MTFR1: variants seen among roughly 807,000 people sequenced by gnomAD.
MTFR1 encodes the protein chondrocyte protein with a poly-proline region.
A neutral mutation model predicts 38.8 loss-of-function variants in MTFR1; 28 were observed. The ratio of observed to expected loss-of-function variants is 0.72; its 90% CI spans 0.53 to 0.99. MTFR1 has a LOEUF of 0.99. Ranked by LOEUF, MTFR1 falls within the 50% of genes least tolerant of loss-of-function variation. The probability of loss-of-function intolerance (pLI) is 0.00; values close to 1 mark genes in which losing one functional copy is unlikely to be tolerated. For missense variants in MTFR1, 358 were observed against 395.5 expected (o/e 0.91, Z 0.81); for synonymous variants, 145 against 137.0 (o/e 1.06, Z -0.41).
rs140760430 is a variant in MTFR1 at position 65,708,613 on chromosome 8, C to G, written c.934-363C>G. Among the ~76,000 whole-genome samples, 410 of 152,224 alleles carry G rather than the reference C, an allele frequency of 2.7e-3. 1 individual carries two copies. Among genetic ancestry groups the G allele is most frequent in the Admixed American group, 5.1e-3 (78 of 15,282 alleles). ...TGGGGCGTGTGTGTGCTAATCTATT[C>G]CAGAGAGGCAGGCATCTCAGAAATT... On this transcript the variant is annotated intron_variant, in intron 7 of 7. Transcript: ENST00000262146.
chr8:65,739,212 G>A (rs961651590), intron 3 of MTFR1, among the ~76,000 whole-genome samples: 2 of 152,152 alleles, frequency 1.3e-5, no homozygotes, highest in Admixed American at 1.3e-4. Context: ...AGACTATGTA[G>A]AGCCGAGATG....
intron 3 of MTFR1, among the ~76,000 whole-genome samples, chr8:65,755,693 T>C (rs1808202342): frequency 6.6e-6 from 1 of 152,284 alleles, no homozygotes; most frequent in Admixed American, 6.5e-5. Flanking sequence ...TATTTACTTG[T>C]GTAGTAACCT....
chr8:65,735,383 A>G (rs779304897), intron 3 of MTFR1, among the ~76,000 whole-genome samples: 2 of 152,048 alleles, frequency 1.3e-5, no homozygotes, highest in Non-Finnish European at 2.9e-5. Flanking sequence ...ATCATGGCTC[A>G]TTGCAGCCCT....
chr8:65,721,719 G>A (rs1367541679), intron 3 of MTFR1: 1 of 151,836 alleles, frequency 6.6e-6, no homozygotes, highest in Non-Finnish European at 1.5e-5. Context: ...AGTTTACTAG[G>A]ATAAAAAGAC....
chr8:65,711,816 C>T (rs1481336725), downstream of MTFR1, among the ~76,000 whole-genome samples: 1 of 152,178 alleles, frequency 6.6e-6, no homozygotes, highest in Non-Finnish European at 1.5e-5. Context: ...CTTAATGTTC[C>T]TAAAGCTGGA....
intron 2 of MTFR1, among the ~76,000 whole-genome samples, chr8:65,676,573 A>T (rs1804713073): frequency 6.6e-6 from 1 of 152,172 alleles, no homozygotes; most frequent in Non-Finnish European, 1.5e-5. Flanking sequence ...CATGTTGGCC[A>T]GGCTGGTCTC....
intron 2 of MTFR1, 85 bp from the exon 3 acceptor site, chr8:65,682,268 T>C: frequency 1.8e-6 from 1 of 555,624 alleles, no homozygotes. Context: ...TGTGTTAGTA[T>C]GTCATACAAA....
the MTFR1 span, among the ~76,000 whole-genome samples, chr8:65,778,024 C>T: frequency 6.6e-6 from 1 of 152,138 alleles, no homozygotes; most frequent in Admixed American, 6.5e-5. Flanking sequence ...CCTTCTAGGA[C>T]CTTAATTACT....
intron 1 of MTFR1, among the ~76,000 whole-genome samples, chr8:65,658,683 T>C (rs934223358): frequency 5.9e-5 from 9 of 152,172 alleles, no homozygotes; most frequent in African/African-American, 2.2e-4. Context: ...GCCACCTGAT[T>C]CTTAGCAATT....
At chr8:65,716,160 A>AAC (rs1036280481) in intron 2 of MTFR1, among the ~76,000 whole-genome samples, 1 of 151,504 alleles carries the variant, frequency 6.6e-6, no homozygotes, top group Non-Finnish European at 1.5e-5. Flanking sequence ...AAAAAAAAAA[A>AAC]AAACAAAAGG....
At chr8:65,678,873 A>G (rs1280039284) in intron 2 of MTFR1, among the ~76,000 whole-genome samples, 1 of 152,114 alleles carries the variant, frequency 6.6e-6, no homozygotes, top group African/African-American at 2.4e-5. Context: ...TGACAGAGCG[A>G]GACTCCATCT....
At chr8:65,703,634 C>A (rs1471444807) in intron 4 of MTFR1, among the ~76,000 whole-genome samples, 2 of 151,712 alleles carry the variant, frequency 1.3e-5, no homozygotes, top group Non-Finnish European at 2.9e-5. Context: ...GGGTTGCACC[C>A]TGTTGGCCCA....
intron 3 of MTFR1, among the ~76,000 whole-genome samples, chr8:65,746,686 A>G (rs2128906190): frequency 6.6e-6 from 1 of 152,340 alleles, no homozygotes; most frequent in South Asian, 2.1e-4. Context: ...TACTACTAGT[A>G]GAAATCATTA....
At chr8:65,725,563 C>T (rs1330340453) in intron 3 of MTFR1, 1 of 153,288 alleles carries the variant, frequency 6.5e-6, no homozygotes, top group African/African-American at 2.4e-5. Flanking sequence ...ATAAAACTGC[C>T]TCAGATCAAT....
At chr8:65,724,985 T>C in intron 3 of MTFR1, 2 of 1,095,878 alleles carry the variant, frequency 1.8e-6, no homozygotes, top group Non-Finnish European at 2.6e-6. Context: ...TTGATTTTTT[T>C]TCTTAACCAT....
chr8:65,680,942 G>A (rs1224870729), intron 2 of MTFR1, among the ~76,000 whole-genome samples: 1 of 118,340 alleles, frequency 8.5e-6, no homozygotes, highest in African/African-American at 3.3e-5. Context: ...GTCTCGCTCT[G>A]TCGCCCAGGC....
At chr8:65,770,836 T>C (rs1809047184) in intron 3 of MTFR1, 2 of 156,988 alleles carry the variant, frequency 1.3e-5, no homozygotes, top group Non-Finnish European at 2.9e-5. Context: ...TGCCTAAGTT[T>C]CTAAATTTGA....
chr8:65,747,534 G>T, intron 3 of MTFR1: 1 of 548,318 alleles, frequency 1.8e-6, no homozygotes, highest in Non-Finnish European at 3.0e-6. Flanking sequence ...TGGAAAATAG[G>T]CTCAACTGCT....
intron 1 of MTFR1, among the ~76,000 whole-genome samples, chr8:65,664,143 A>G (rs1804302360): frequency 6.6e-6 from 1 of 152,126 alleles, no homozygotes; most frequent in Non-Finnish European, 1.5e-5. Flanking sequence ...TTAAAACTAT[A>G]TATATCCTAT....
Sources: allele counts gnomAD v4.1 joint callset (sites outside exome capture counted in the v4.1 genomes callset), GRCh38; gene constraint gnomAD v4.1.1; transcripts MANE v1.5; gene names NCBI Gene and HGNC (gene_info 2026-07-23, HGNC 2026-07-21).